Variants in CSNK2A1 observed in about 807,000 individuals in gnomAD.
The protein encoded by CSNK2A1 is casein kinase 2 alpha 1, also known as casein kinase II subunit alpha.
Under a neutral mutation model 62.9 loss-of-function variants are expected in CSNK2A1, and 10 were observed. The observed-to-expected ratio is 0.16, with a 90% CI of 0.10 to 0.27. The LOEUF is 0.27. Among genes scored for constraint, CSNK2A1 ranks in the 10% least tolerant of loss-of-function variants. CSNK2A1 has a pLI of 1.00. For synonymous variants in CSNK2A1, 124 were observed against 167.8 expected, an observed-to-expected ratio of 0.74 and a Z score of 2.02; for missense variants, 160 against 492.0, an observed-to-expected ratio of 0.33 and a Z score of 6.38.
intron 13 of CSNK2A1, among the ~76,000 whole-genome samples, chr20:485,108 A>ATAATAATAATAATAATAATAAT (rs2018061068): frequency 2.3e-5 from 1 of 43,552 alleles, no homozygotes; most frequent in Non-Finnish European, 4.2e-5. Flanking sequence ...AAAAAAAAAA[A>ATAATAATAATAATAATAATAAT]AATATATATA....
chr20:503,492 G>A (rs535323542), intron 4 of CSNK2A1: 11 of 398,528 alleles, frequency 2.8e-5, no homozygotes, highest in Admixed American at 8.8e-5. Flanking sequence ...CAGGAATACT[G>A]TGGAACACTT....
intron 3 of CSNK2A1, chr20:507,700 C>T (rs549441511): frequency 2.6e-5 from 4 of 152,308 alleles, no homozygotes; most frequent in East Asian, 3.9e-4. Context: ...AGAACTGTTT[C>T]GTCCTCCTGT....
chr20:482,934 G>C lies in CSNK2A1; in HGVS notation c.*1027C>G, dbSNP rs1398856269. The C allele has an allele frequency of 6.6e-6, 1 of 152,636 alleles. No homozygotes were observed. The highest frequency in any genetic ancestry group is 1.5e-5 in the Non-Finnish European group (1 of 68,056). 9.5% of individuals were successfully genotyped at this position (152,636 alleles called of 1,614,324 possible). A position where few individuals can be genotyped will look rare whatever the true frequency, so the allele number is the denominator to read the frequency against. On this transcript the variant is annotated 3_prime_UTR_variant, in exon 14 of 14. Transcript: ENST00000217244. Reference sequence around the variant, plus strand: ...GAGGAGCAGGTCTTCTCACTGGATGGCATGTGAGGGAAGGGGACGGTCGGA... The same window carrying C: ...GAGGAGCAGGTCTTCTCACTGGATGCCATGTGAGGGAAGGGGACGGTCGGA...
At chr20:490,942 T>A (rs2018220662) in intron 9 of CSNK2A1, among the ~76,000 whole-genome samples, 1 of 151,450 alleles carries the variant, frequency 6.6e-6, no homozygotes, top group Admixed American at 6.6e-5. Context: ...GGAGACCATC[T>A]AATGTGTATC....
chr20:492,044 A>T (rs1439609196), intron 9 of CSNK2A1, among the ~76,000 whole-genome samples: 1 of 152,226 alleles, frequency 6.6e-6, no homozygotes, highest in Non-Finnish European at 1.5e-5. Context: ...AAACCTATTC[A>T]TATTCTACCG....
At chr20:492,590 T>G (rs1166866541) in intron 8 of CSNK2A1, 1 of 515,814 alleles carries the variant, frequency 1.9e-6, no homozygotes, top group African/African-American at 1.9e-5. Context: ...TTTTACAAAT[T>G]TCTTAAACTG....
chr20:498,700 G>A (rs577015520), intron 6 of CSNK2A1: 2 of 152,322 alleles, frequency 1.3e-5, no homozygotes, highest in East Asian at 1.9e-4. Context: ...TACTCCAAAA[G>A]AGTAGCTATA....
chr20:490,335 CTTTT>C (rs907727482), intron 9 of CSNK2A1, among the ~76,000 whole-genome samples: 1 of 84,804 alleles, frequency 1.2e-5, no homozygotes, highest in Admixed American at 1.3e-4. Context: ...CTAGTTTTTT[CTTTT>C]TTTTTTTTTT....
intron 4 of CSNK2A1, 104 bp downstream of exon 4, chr20:505,014 G>T: frequency 2.2e-6 from 2 of 908,324 alleles, no homozygotes; most frequent in South Asian, 1.9e-5. Context: ...TTATTTATTT[G>T]CTTTGGCACC....
chr20:529,870 T>C (rs1031191453), intron 1 of CSNK2A1, among the ~76,000 whole-genome samples: 4 of 152,216 alleles, frequency 2.6e-5, no homozygotes, highest in African/African-American at 7.2e-5. Flanking sequence ...GGTTTGGTAT[T>C]ATCTGTGGTT....
At chr20:505,090 T>TAA in intron 4 of CSNK2A1, 28 bp downstream of exon 4, 1 of 1,559,944 alleles carries the variant, frequency 6.4e-7, no homozygotes, top group Non-Finnish European at 8.7e-7. Flanking sequence ...ATATTCCAAA[T>TAA]ACCTCTGAAA....
intron 1 of CSNK2A1, 60 bp downstream of exon 1, chr20:543,612 C>G (rs1434699437): frequency 2.5e-6 from 1 of 397,300 alleles, no homozygotes; most frequent in Non-Finnish European, 4.4e-6. Context: ...CCGCGCTCCG[C>G]TGCCCTATCC....
chr20:505,467 C>G (rs1290773872), intron 3 of CSNK2A1, among the ~76,000 whole-genome samples: 1 of 143,784 alleles, frequency 7.0e-6, no homozygotes, highest in Non-Finnish European at 1.5e-5. Context: ...TCACACCATT[C>G]TCCTGCCTCA....
At chr20:536,634 A>G (rs182056381) in intron 1 of CSNK2A1, among the ~76,000 whole-genome samples, 4 of 152,304 alleles carry the variant, frequency 2.6e-5, no homozygotes, top group African/African-American at 9.6e-5. Context: ...CCCTACCCGC[A>G]ATCTCAATTA....
intron 13 of CSNK2A1, among the ~76,000 whole-genome samples, chr20:485,109 A>ATAATAATAATAATAATAATAT (rs1366439608): frequency 4.1e-5 from 1 of 24,666 alleles, no homozygotes; most frequent in African/African-American, 1.4e-4. Flanking sequence ...AAAAAAAAAA[A>ATAATAATAATAATAATAATAT]ATATATATAT....
At chr20:485,097 A>AT (rs2018054957) in intron 13 of CSNK2A1, among the ~76,000 whole-genome samples, 3 of 36,598 alleles carry the variant, frequency 8.2e-5, no homozygotes, top group African/African-American at 2.7e-4. Flanking sequence ...AAAAAAAAAA[A>AT]AAAAAAAAAA....
At chr20:495,978 A>G (rs954784945) in intron 7 of CSNK2A1, 176 bp from the exon 8 acceptor site, 3 of 570,580 alleles carry the variant, frequency 5.3e-6, no homozygotes, top group Non-Finnish European at 9.5e-6. Context: ...ACAGTCAAGC[A>G]AACTCAGCTC....
intron 2 of CSNK2A1, among the ~76,000 whole-genome samples, chr20:521,844 C>T (rs746330675): frequency 4.6e-5 from 7 of 152,164 alleles, no homozygotes; most frequent in Non-Finnish European, 8.8e-5. Flanking sequence ...TGGCTTCAGT[C>T]TCCCAAAGTG....
At chr20:539,133 G>C (rs909180110) in intron 1 of CSNK2A1, 1 of 152,122 alleles carries the variant, frequency 6.6e-6, no homozygotes, top group Non-Finnish European at 1.5e-5. Flanking sequence ...CAAAACCCCT[G>C]TATTTGTTTT....
Sources: allele counts gnomAD v4.1 joint callset (sites outside exome capture counted in the v4.1 genomes callset), GRCh38; gene constraint gnomAD v4.1.1; transcripts MANE v1.5; gene names NCBI Gene and HGNC (gene_info 2026-07-23, HGNC 2026-07-21).